DHX58: variants seen among roughly 807,000 people sequenced by gnomAD.
DHX58 encodes the protein DExH-box helicase 58, also known as ATP-dependent RNA helicase DHX58.
In DHX58, 51 loss-of-function variants were observed where a neutral mutation model predicts 65.0. The ratio of observed to expected loss-of-function variants is 0.78; its 90% confidence interval spans 0.63 to 0.99. The LOEUF (loss-of-function observed/expected upper bound fraction) is 0.99, where lower values mean the gene tolerates loss of function less well. Ranked by LOEUF, DHX58 falls within the 50% of genes least tolerant of loss-of-function variation. DHX58 has a pLI of 0.00. For synonymous variants in DHX58, 350 were observed against 365.0 expected, an observed-to-expected ratio of 0.96 and a Z score of 0.47; for missense variants, 773 against 891.8, an observed-to-expected ratio of 0.87 and a Z score of 1.70.
In DHX58 at chr17:42,111,899, A is replaced by T; in HGVS notation, c.-1-6T>A. On this transcript the variant is annotated splice_region_variant and splice_polypyrimidine_tract_variant and intron_variant, in intron 2 of 13. Coordinates refer to ENST00000251642, the MANE Select transcript of DHX58 (RefSeq NM_024119.3). ...GGTAGGACCGAAGCTCCATTCTGGG[A>T]ATGGCAGGGGACTCAGACCCACCGA... is the stretch of plus-strand genomic sequence containing the variant. The T allele has an allele frequency of 1.2e-6, 2 of 1,603,462 alleles. No homozygotes were observed. Among genetic ancestry groups the T allele is most frequent in the African/African-American group, 2.7e-5 (2 of 74,792 alleles).
At chr17:42,109,792 G>A (rs1357889505) in intron 5 of DHX58, among the ~76,000 whole-genome samples, 1 of 152,118 alleles carries the variant, frequency 6.6e-6, no homozygotes, top group South Asian at 2.1e-4. Context: ...CTACTCGGGA[G>A]GCTGAGACAG....
rs781908050 is a variant in DHX58 at position 42,107,799 on chromosome 17, C to T, written c.806-4G>A. The T allele has an allele frequency of 6.4e-7, 1 of 1,567,620 alleles. No homozygotes were observed. The highest frequency in any genetic ancestry group is 8.7e-7 in the Non-Finnish European group (1 of 1,155,380). On this transcript the variant is annotated splice_polypyrimidine_tract_variant and splice_region_variant and intron_variant, in intron 7 of 13. Transcript: ENST00000251642. ...TCCTGAAGCCCAGCCAAAGCCGCTG[C>T]GGGAAGAGGGCGCAGGGTCTGAGCA...
Position 42,105,866 on chromosome 17 carries a change from G to A in DHX58, c.1121C>T (p.Thr374Ile), listed in dbSNP as rs1172760191. 6 of 1,613,982 alleles carry A rather than the reference G, an allele frequency of 3.7e-6. No individual in the cohort carries two copies. Among genetic ancestry groups the A allele is most frequent in the South Asian group, 1.1e-5 (1 of 91,078 alleles). ...SSNSPRGIIF[T>I]RTRQSAHSLL... ...GGAGTGTGCGCTTTGGCGGGTGCGG[G>A]TGAAGATGATACCCCGAGGGCTGTT... Residue 374 changes from threonine to isoleucine, a missense_variant, in exon 9 of 14, where the codon ACC (threonine) becomes ATC (isoleucine). Transcript: ENST00000251642.
chr17:42,109,424 C>T (rs782436164), intron 5 of DHX58, 38 bp from the exon 6 acceptor site: 1 of 1,566,028 alleles, frequency 6.4e-7, no homozygotes. Context: ...AAGGGAGGGT[C>T]TGTGGGGACA....
rs782040777 is a variant in DHX58 at position 42,104,780 on chromosome 17, C to T, written c.1549G>A (p.Glu517Lys). ...VAAVQKMDQA[E>K]YQAKIRDLQQ... ...TGCCTGCAGACCTTGGCCTGGTACT[C>T]GGCCTGGTCCATTTTCTGCACAGCA... Residue 517 changes from glutamate to lysine, a missense_variant, in exon 11 of 14, where the codon GAG (glutamate) becomes AAG (lysine). Physicochemically the swap from Glu to Lys is moderately conservative, Grantham distance 56 (BLOSUM62 1). Coordinates refer to ENST00000251642, the MANE Select transcript of DHX58 (RefSeq NM_024119.3). 21 of 1,613,810 alleles carry T rather than the reference C, an allele frequency of 1.3e-5. No homozygotes were observed. The highest frequency in any genetic ancestry group is 1.7e-5 in the Admixed American group (1 of 60,000).
rs2053977355 is a variant in DHX58, at chr17:42,101,507, T to A, written c.*254A>T. On this transcript the variant is annotated 3_prime_UTR_variant, in exon 14 of 14. Coordinates refer to ENST00000251642, the MANE Select transcript of DHX58 (RefSeq NM_024119.3). The stretch of plus-strand genomic sequence containing the variant: ...TGATTCTGAGTACAGTATGGCAAAT[T>A]CTTTTGCCTCAGTTTCCCTAACTCC... 2.6e-6 allele frequency: 1 copy of A among 382,446 alleles called. No homozygotes were observed. Among genetic ancestry groups the A allele is most frequent in the African/African-American group, 2.1e-5 (1 of 48,574 alleles). 23.7% of individuals were successfully genotyped at this position (382,446 alleles called of 1,614,324 possible).
chr17:42,107,830 C>T (rs2054087524), intron 7 of DHX58, 35 bp from the exon 8 acceptor site: 3 of 1,538,518 alleles, frequency 1.9e-6, no homozygotes, highest in Non-Finnish European at 2.6e-6. Flanking sequence ...GAGCAGCCCA[C>T]AGCCCCGCCC....
At chr17:42,103,492 G>A in intron 12 of DHX58, 116 bp downstream of exon 12, 1 of 1,308,222 alleles carries the variant, frequency 7.6e-7, no homozygotes, top group Non-Finnish European at 1.1e-6. Flanking sequence ...CCAGATTATT[G>A]TGAAAATGCA....
intron 11 of DHX58, among the ~76,000 whole-genome samples, chr17:42,103,999 G>A (rs1349473201): frequency 6.6e-6 from 1 of 152,246 alleles, no homozygotes; most frequent in East Asian, 1.9e-4. Context: ...GCCAAGGCGG[G>A]TGGATCACGA....
intron 7 of DHX58, 32 bp downstream of exon 7, chr17:42,107,950 C>T: frequency 6.2e-7 from 1 of 1,613,590 alleles, no homozygotes; most frequent in Non-Finnish European, 8.5e-7. Context: ...CTCCCACATC[C>T]TCGCCTCCGC....
chr17:42,112,643 C>T lies in DHX58; in HGVS notation c.-133G>A, dbSNP rs2277621. The T allele has an allele frequency of 6.6e-6, 1 of 151,702 alleles. No individual in the cohort carries two copies. Among genetic ancestry groups the T allele is most frequent in the Non-Finnish European group, 1.5e-5 (1 of 68,090 alleles). 9.4% of individuals were successfully genotyped at this position (151,702 alleles called of 1,614,324 possible). ...AGCCTGGGTCTCGCCTGCACCACCA[C>T]GTAGGCCTGCCCAAGGCGGCCCTGC... On this transcript the variant is annotated 5_prime_UTR_variant, in exon 1 of 14. In the 5' UTR this introduces an upstream ATG that the reference lacks. Coordinates refer to ENST00000251642, the MANE Select transcript of DHX58 (RefSeq NM_024119.3).
intron 2 of DHX58, 48 bp downstream of exon 2, chr17:42,112,065 C>T (rs895960085): frequency 4.3e-5 from 34 of 786,520 alleles, no homozygotes; most frequent in South Asian, 2.3e-4. Flanking sequence ...AAGGGGGAGG[C>T]GGGAGTAACA....
intron 1 of DHX58, 156 bp from the exon 2 acceptor site, chr17:42,112,361 A>T: frequency 3.6e-6 from 1 of 280,138 alleles, no homozygotes; most frequent in Non-Finnish European, 6.4e-6. Flanking sequence ...GCGCCCTGGC[A>T]GGCATGATCA....
intron 6 of DHX58, 143 bp from the exon 7 acceptor site, chr17:42,108,251 G>T: frequency 7.5e-7 from 1 of 1,328,702 alleles, no homozygotes. Flanking sequence ...AGGGAGGCCG[G>T]CTAGGGTGTG....
Position 42,101,814 on chromosome 17 carries a change from A to G in DHX58, c.1984T>C (p.Phe662Leu). The G allele has an allele frequency of 6.2e-7, 1 of 1,614,222 alleles. No homozygotes were observed. The highest frequency in any genetic ancestry group is 8.5e-7 in the Non-Finnish European group (1 of 1,180,038). The part of the protein sequence containing the change: ...WSRVPFSVPD[F>L]DFLQHCAENL... Reference sequence around the variant, plus strand: ...TCGGCACAATGCTGCAGGAAGTCAAAGTCAGGCACGGAGAAGGGCACGCGG... The same window carrying G: ...TCGGCACAATGCTGCAGGAAGTCAAGGTCAGGCACGGAGAAGGGCACGCGG... Residue 662 changes from phenylalanine to leucine, a missense_variant, in exon 14 of 14, where the codon TTT becomes CTT. Physicochemically the swap from Phe to Leu is conservative, Grantham distance 22 (BLOSUM62 0). Coordinates refer to ENST00000251642, the MANE Select transcript of DHX58 (RefSeq NM_024119.3).
intron 11 of DHX58, 135 bp downstream of exon 11, chr17:42,104,631 A>G: frequency 8.1e-7 from 1 of 1,230,630 alleles, no homozygotes; most frequent in Non-Finnish European, 1.1e-6. Context: ...CCTTATTTAA[A>G]CCTTCCCTAG....
intron 6 of DHX58, among the ~76,000 whole-genome samples, chr17:42,108,381 G>A (rs1198275948): frequency 2.6e-5 from 4 of 152,218 alleles, no homozygotes; most frequent in Admixed American, 6.5e-5. Context: ...GCGGACATCC[G>A]GGCCAGAGTG....
chr17:42,103,444 T>C, intron 12 of DHX58, 164 bp downstream of exon 12: 1 of 874,898 alleles, frequency 1.1e-6, no homozygotes, highest in Non-Finnish European at 1.7e-6. Context: ...CTCTATTTCC[T>C]TGCCTGTAAA....
At chr17:42,107,915 C>T in intron 7 of DHX58, 67 bp downstream of exon 7, 4 of 1,605,168 alleles carry the variant, frequency 2.5e-6, no homozygotes, top group Non-Finnish European at 3.4e-6. Context: ...AAGGCCTCCG[C>T]CCCGGCAGGC....
Sources: allele counts gnomAD v4.1 joint callset (sites outside exome capture counted in the v4.1 genomes callset), GRCh38; gene constraint gnomAD v4.1.1; transcripts MANE v1.5; gene names NCBI Gene and HGNC (gene_info 2026-07-23, HGNC 2026-07-21).